The following TRPC4 variants were observed in gnomAD, a reference collection of about 807,000 sequenced individuals.
TRPC4 encodes transient receptor potential cation channel subfamily C member 4, also known as short transient receptor potential channel 4.
Under a neutral mutation model 99.4 loss-of-function variants are expected in TRPC4, and 49 were observed. The observed-to-expected ratio is 0.49, with a 90% CI of 0.39 to 0.63. TRPC4 has a LOEUF of 0.63. Ranked by LOEUF, TRPC4 falls within the 20% of genes least tolerant of loss-of-function variation. The pLI, the probability that TRPC4 is intolerant of heterozygous loss-of-function variation, is 0.00. For synonymous variants in TRPC4, 454 were observed against 425.9 expected, an observed-to-expected ratio of 1.07 and a Z score of -0.81; for missense variants, 898 against 1,152.9, an observed-to-expected ratio of 0.78 and a Z score of 3.20.
intron 2 of TRPC4, among the ~76,000 whole-genome samples, chr13:37,757,844 G>A (rs976078472): frequency 1.3e-5 from 2 of 151,946 alleles, no homozygotes; most frequent in Non-Finnish European, 2.9e-5. Flanking sequence ...GTATTCACCA[G>A]GTATTTGGTT....
At chr13:37,742,021 A>C (rs1566135595) in intron 3 of TRPC4, among the ~76,000 whole-genome samples, 2 of 152,004 alleles carry the variant, frequency 1.3e-5, no homozygotes, top group African/African-American at 4.8e-5. Flanking sequence ...AACTTAACCC[A>C]GTTGCTAAAA....
chr13:37,866,175 C>A (rs987751751), intron 1 of TRPC4, among the ~76,000 whole-genome samples: 1 of 151,842 alleles, frequency 6.6e-6, no homozygotes, highest in South Asian at 2.1e-4. Flanking sequence ...CTAGATAAAG[C>A]TATCAAGGCA....
intron 1 of TRPC4, among the ~76,000 whole-genome samples, chr13:37,834,685 T>G (rs1015776914): frequency 6.6e-6 from 1 of 152,196 alleles, no homozygotes; most frequent in African/African-American, 2.4e-5. Flanking sequence ...TCCAACATAC[T>G]TGGATCAATC....
chr13:37,797,359 G>A (rs9635087), intron 1 of TRPC4, among the ~76,000 whole-genome samples: 45,218 of 151,760 alleles, frequency 0.3, 8,594 homozygotes, highest in South Asian at 0.45. Context: ...ATGACATGTC[G>A]CAATGATAAA....
intron 6 of TRPC4, among the ~76,000 whole-genome samples, chr13:37,663,148 A>T (rs2957216): frequency 0.36 from 55,332 of 152,094 alleles, 10,447 homozygotes; most frequent in African/African-American, 0.41. Context: ...TACATCAAAA[A>T]AATAGTATCT....
chr13:37,698,585 C>G (rs931863060), intron 3 of TRPC4, among the ~76,000 whole-genome samples: 1 of 152,076 alleles, frequency 6.6e-6, no homozygotes, highest in Non-Finnish European at 1.5e-5. Context: ...GCAAATTTAG[C>G]TCAGTAAAGA....
chr13:37,672,456 C>T lies in TRPC4; in HGVS notation c.1374+1772G>A, dbSNP rs561639130. ...AGTTTGTTAGAAATGCAAATTTGGACTTTGTCTTAGTACATGTAACTTAAA... is the reference window on the plus strand; with the variant it reads ...AGTTTGTTAGAAATGCAAATTTGGATTTTGTCTTAGTACATGTAACTTAAA... On this transcript the variant is annotated intron_variant, in intron 5 of 10. Transcript: ENST00000379705. Among the ~76,000 whole-genome samples, 14 of 152,234 alleles carry T rather than the reference C, an allele frequency of 9.2e-5. No individual in the cohort carries two copies. In the South Asian group the frequency reaches 2.9e-3, roughly 32 times the overall value.
intron 5 of TRPC4, among the ~76,000 whole-genome samples, chr13:37,672,808 T>A (rs557728340): frequency 6.6e-6 from 1 of 152,312 alleles, no homozygotes; most frequent in East Asian, 1.9e-4. Context: ...CTCAATGCAT[T>A]AATAAAATTA....
At position 37,654,784 on chromosome 13, in the gene TRPC4, C is replaced by T. The variant is rs147746437; in HGVS notation, c.1884+304G>A. ...AGGAGGCAAAACCTATTGTACACGGCGCAGAGATGAGCTGCTTGTTTATTA... is the reference window on the plus strand; with the variant it reads ...AGGAGGCAAAACCTATTGTACACGGTGCAGAGATGAGCTGCTTGTTTATTA... On this transcript the variant is annotated intron_variant, in intron 7 of 10. Transcript: ENST00000379705. Among the ~76,000 whole-genome samples, 38 of 152,204 alleles carry T rather than the reference C, an allele frequency of 2.5e-4. 2 individuals carry two copies. In the Middle Eastern group the frequency reaches 0.014, roughly 54 times the overall value.
intron 1 of TRPC4, among the ~76,000 whole-genome samples, chr13:37,818,572 C>G (rs1957928059): frequency 1.3e-5 from 2 of 152,068 alleles, no homozygotes; most frequent in Admixed American, 6.6e-5. Context: ...CAATGATAGA[C>G]TGGATAAAGA....
At chr13:37,831,389 T>C (rs989566991) in intron 1 of TRPC4, among the ~76,000 whole-genome samples, 26 of 152,198 alleles carry the variant, frequency 1.7e-4, no homozygotes, top group African/African-American at 6.3e-4. Context: ...AGATAACTAG[T>C]ATTGGCAAGG....
chr13:37,753,605 G>GAGAA (rs879432038), intron 2 of TRPC4, among the ~76,000 whole-genome samples: 1 of 114,356 alleles, frequency 8.7e-6, no homozygotes, highest in Non-Finnish European at 1.9e-5. Flanking sequence ...GAGAGAGAGA[G>GAGAA]AGAAAGAAAG....
intron 1 of TRPC4, among the ~76,000 whole-genome samples, chr13:37,784,728 C>T (rs1026655497): frequency 6.6e-6 from 1 of 151,936 alleles, no homozygotes; most frequent in African/African-American, 2.4e-5. Context: ...ACATAAATTA[C>T]ATTAACAAAT....
At chr13:37,834,804 T>A (rs1308910813) in intron 1 of TRPC4, among the ~76,000 whole-genome samples, 1 of 152,178 alleles carries the variant, frequency 6.6e-6, no homozygotes, top group Admixed American at 6.5e-5. Context: ...CTCGGCTCAC[T>A]GTAATCTCTG....
chr13:37,789,672 A>G (rs1160732798), intron 1 of TRPC4, among the ~76,000 whole-genome samples: 1 of 148,458 alleles, frequency 6.7e-6, no homozygotes. Flanking sequence ...CACCTGTGCA[A>G]AATACTTTAT....
intron 1 of TRPC4, among the ~76,000 whole-genome samples, chr13:37,830,796 A>AT (rs1183266393): frequency 1.9e-5 from 2 of 103,186 alleles, no homozygotes; most frequent in Admixed American, 1.1e-4. Flanking sequence ...TATAGTATAT[A>AT]TTTTTTGTAT....
intron 1 of TRPC4, among the ~76,000 whole-genome samples, chr13:37,787,679 C>T (rs73170426): frequency 0.023 from 3,424 of 152,066 alleles, 66 homozygotes; most frequent in South Asian, 0.03. Flanking sequence ...CAATGAACTA[C>T]TAAATTTCTT....
intron 3 of TRPC4, among the ~76,000 whole-genome samples, chr13:37,695,936 T>C (rs1480595903): frequency 1.3e-5 from 2 of 152,184 alleles, no homozygotes; most frequent in African/African-American, 4.8e-5. Context: ...CTGGAAAGTA[T>C]ATAAAAACAA....
chr13:37,852,139 C>T (rs1959075296), intron 1 of TRPC4, among the ~76,000 whole-genome samples: 1 of 152,126 alleles, frequency 6.6e-6, no homozygotes, highest in South Asian at 2.1e-4. Flanking sequence ...CCTGGGGAGA[C>T]ATCAGCTGGG....
Sources: gnomAD v4.1 joint callset for allele counts (sites outside exome capture counted in the v4.1 genomes callset) on GRCh38, gnomAD v4.1.1 for gene constraint, MANE v1.5 for transcripts, NCBI Gene and HGNC (gene_info 2026-07-23, HGNC 2026-07-21) for gene names.